Variants in PLXNA4 observed in about 807,000 individuals in gnomAD.
PLXNA4 encodes the protein plexin-A4.
PLXNA4 carries 44 observed loss-of-function variants against 191.8 expected under a neutral mutation model. That is an observed-to-expected ratio of 0.23 (90% CI 0.18 to 0.29). The LOEUF is 0.29. Ranked by LOEUF, PLXNA4 falls within the 10% of genes least tolerant of loss-of-function variation. The pLI is 1.00. For synonymous variants in PLXNA4, 1,082 were observed against 1,009.5 expected, an observed-to-expected ratio of 1.07 and a Z score of -1.36; for missense variants, 1,800 against 2,488.8, an observed-to-expected ratio of 0.72 and a Z score of 5.89.
chr7:132,321,912 G>A (rs1312514838), intron 3 of PLXNA4, among the ~76,000 whole-genome samples: 20 of 152,188 alleles, frequency 1.3e-4, no homozygotes, highest in Admixed American at 1.3e-3. Context: ...ACCCCCAGAA[G>A]AAGGTAGAAA....
chr7:132,241,898 C>T (rs1271059806), intron 4 of PLXNA4, among the ~76,000 whole-genome samples: 3 of 152,198 alleles, frequency 2.0e-5, no homozygotes, highest in Non-Finnish European at 4.4e-5. Context: ...CAGCCGCCTG[C>T]TAATGTAAAA....
At chr7:132,526,445 A>G (rs2116401988) in intron 1 of PLXNA4, among the ~76,000 whole-genome samples, 2 of 152,300 alleles carry the variant, frequency 1.3e-5, no homozygotes, top group Middle Eastern at 6.8e-3. Flanking sequence ...AGAAAGGAGG[A>G]AGGATAAAAT....
chr7:132,421,500 A>G (rs1021817004), intron 3 of PLXNA4, among the ~76,000 whole-genome samples: 2 of 152,108 alleles, frequency 1.3e-5, no homozygotes, highest in Non-Finnish European at 2.9e-5. Context: ...CTATGGTGTC[A>G]GGGCAACCGA....
chr7:132,363,401 T>C (rs1370377696), intron 3 of PLXNA4, among the ~76,000 whole-genome samples: 2 of 152,230 alleles, frequency 1.3e-5, no homozygotes, highest in Non-Finnish European at 2.9e-5. Flanking sequence ...CTCTAGGAGT[T>C]TGACAACTCT....
intron 1 of PLXNA4, among the ~76,000 whole-genome samples, chr7:132,558,749 G>A (rs1238377058): frequency 2.6e-5 from 4 of 152,178 alleles, no homozygotes; most frequent in Admixed American, 6.5e-5. Context: ...CGCCTCTTTC[G>A]CCTTTGCCTG....
At chr7:132,551,012 A>T (rs1800539013) in intron 1 of PLXNA4, among the ~76,000 whole-genome samples, 1 of 152,008 alleles carries the variant, frequency 6.6e-6, no homozygotes, top group Non-Finnish European at 1.5e-5. Flanking sequence ...CAGCTGCCTC[A>T]TCTAATTCTC....
intron 4 of PLXNA4, among the ~76,000 whole-genome samples, chr7:132,288,345 C>T (rs1365962940): frequency 6.6e-6 from 1 of 152,180 alleles, no homozygotes; most frequent in Non-Finnish European, 1.5e-5. Flanking sequence ...TCCTCCAGTT[C>T]TGCCGTGGTA....
In PLXNA4 at chr7:132,519,776, T is replaced by C. The variant is rs572133027; in HGVS notation, c.-86-10997A>G. On this transcript the variant is annotated intron_variant, in intron 1 of 31. Transcript: ENST00000321063. ...TCAGCCAGTGTCACCCATAAAAGCCTCCTCTCAGAATTGCCATGGCCAAGG... is the reference window on the plus strand; with the variant it reads ...TCAGCCAGTGTCACCCATAAAAGCCCCCTCTCAGAATTGCCATGGCCAAGG... 1.4e-4 allele frequency among the ~76,000 whole-genome samples: 22 copies of C among 152,296 alleles called. 1 individual carries two copies. In the South Asian group the frequency reaches 4.4e-3, roughly 30 times the overall value.
chr7:132,168,666 TCATCCACCAA>T, intron 21 of PLXNA4, 94 bp from the exon 22 acceptor site: 1 of 1,451,452 alleles, frequency 6.9e-7, no homozygotes, highest in Admixed American at 2.5e-5. Context: ...CATGACCCTC[TCATCCACCAA>T]TTAAGCCACA....
At chr7:132,623,826 C>A (rs534343559) in intron 2 of PLXNA4, among the ~76,000 whole-genome samples, 1 of 152,310 alleles carries the variant, frequency 6.6e-6, no homozygotes, top group East Asian at 1.9e-4. Context: ...GGCAGACCAC[C>A]AAATGTGAAC....
intron 3 of PLXNA4, chr7:132,384,088 C>T (rs532442207): frequency 2.0e-6 from 2 of 985,454 alleles, no homozygotes; most frequent in Non-Finnish European, 1.2e-6. Context: ...TTGGGACTCA[C>T]TTTCAGTGCA....
intron 3 of PLXNA4, among the ~76,000 whole-genome samples, chr7:132,354,565 G>T (rs1048134284): frequency 3.3e-5 from 5 of 152,180 alleles, no homozygotes; most frequent in Non-Finnish European, 7.3e-5. Context: ...ACTGGAGTAG[G>T]GGCAGGCTTC....
At chr7:132,447,793 GC>G (rs1226718225) in intron 3 of PLXNA4, among the ~76,000 whole-genome samples, 1 of 151,272 alleles carries the variant, frequency 6.6e-6, no homozygotes, top group East Asian at 2.0e-4. Context: ...TTTAAGACCA[GC>G]CTGGACAACA....
chr7:132,180,856 G>A (rs1236738070), intron 18 of PLXNA4, 124 bp from the exon 19 acceptor site: 10 of 1,440,878 alleles, frequency 6.9e-6, no homozygotes, highest in Non-Finnish European at 8.3e-6. Flanking sequence ...GCCACCTTTG[G>A]TAATAAGTGC....
intron 3 of PLXNA4, among the ~76,000 whole-genome samples, chr7:132,471,183 C>G (rs960269648): frequency 2.0e-5 from 3 of 152,168 alleles, no homozygotes; most frequent in Admixed American, 6.5e-5. Flanking sequence ...CGTGCCTGCT[C>G]TCGATTCGCC....
rs142523017 is a variant in PLXNA4 at position 132,575,043 on chromosome 7, T to C, written c.-87+1379A>G. On this transcript the variant is annotated intron_variant, in intron 1 of 31. Coordinates refer to ENST00000321063, the MANE Select transcript of PLXNA4 (RefSeq NM_020911.2). ...GGGAAAATGATATGATCATGTTGCC[T>C]AGAAAGCTACCTCAAAGTGACAGCA... Among the ~76,000 whole-genome samples the C allele has an allele frequency of 4.4e-4, 67 of 152,328 alleles. No homozygotes were observed. The East Asian group carries it at 0.011, about 26-fold the overall frequency.
At chr7:132,172,459 C>A (rs912663804) in intron 21 of PLXNA4, among the ~76,000 whole-genome samples, 1 of 152,158 alleles carries the variant, frequency 6.6e-6, no homozygotes, top group Non-Finnish European at 1.5e-5. Flanking sequence ...TTCACACTTC[C>A]AGAGGTAAGC....
In PLXNA4 at chr7:132,179,962, G is replaced by A. The variant is rs570980384; in HGVS notation, c.3640-41C>T. On this transcript the variant is annotated intron_variant, in intron 19 of 31. Coordinates refer to ENST00000321063, the MANE Select transcript of PLXNA4 (RefSeq NM_020911.2). Reference sequence around the variant, plus strand: ...GCAAGAGGGAGCTGGGTGTGGGGACGCAGCAGCTTTGGCAACAGTCCCAAG... The same window carrying A: ...GCAAGAGGGAGCTGGGTGTGGGGACACAGCAGCTTTGGCAACAGTCCCAAG... 8.2e-5 allele frequency: 128 copies of A among 1,560,376 alleles called. No individual in the cohort carries two copies. The East Asian group carries it at 1.2e-3, about 14-fold the overall frequency.
chr7:132,325,848 G>A (rs1041251924), intron 3 of PLXNA4, among the ~76,000 whole-genome samples: 3 of 152,168 alleles, frequency 2.0e-5, no homozygotes, highest in Non-Finnish European at 2.9e-5. Flanking sequence ...ACAGGGAGAC[G>A]TGTAAAGGCA....
Sources: gnomAD v4.1 joint callset for allele counts (sites outside exome capture counted in the v4.1 genomes callset) on GRCh38, gnomAD v4.1.1 for gene constraint, MANE v1.5 for transcripts, NCBI Gene and HGNC (gene_info 2026-07-23, HGNC 2026-07-21) for gene names.